Variants in ARHGAP35 observed in about 807,000 individuals in gnomAD.
ARHGAP35 encodes the protein rho GTPase-activating protein 35.
A neutral mutation model predicts 111.1 loss-of-function variants in ARHGAP35; 15 were observed. That is an observed-to-expected ratio of 0.13 (90% CI 0.09 to 0.21). ARHGAP35 has a LOEUF of 0.21. Among genes scored for constraint, ARHGAP35 ranks in the 10% least tolerant of loss-of-function variants. The probability of loss-of-function intolerance (pLI) is 1.00; values close to 1 mark genes in which losing one functional copy is unlikely to be tolerated. For missense variants in ARHGAP35, 1,262 were observed against 1,873.0 expected, an observed-to-expected ratio of 0.67 and a Z score of 6.02; for synonymous variants, 643 against 710.3, an observed-to-expected ratio of 0.91 and a Z score of 1.51.
chr19:46,867,365 C>T (rs1486893402), intron 1 of ARHGAP35, among the ~76,000 whole-genome samples: 1 of 152,116 alleles, frequency 6.6e-6, no homozygotes, highest in Non-Finnish European at 1.5e-5. Flanking sequence ...TGGATGATGC[C>T]CTCGTCCTGG....
intron 3 of ARHGAP35, among the ~76,000 whole-genome samples, chr19:46,972,646 C>A (rs1203547836): frequency 2.0e-5 from 3 of 152,172 alleles, no homozygotes; most frequent in Non-Finnish European, 2.9e-5. Context: ...AGCTTCCTTG[C>A]AAAGTACTTG....
chr19:46,938,988 A>G (rs2056328339), intron 3 of ARHGAP35, among the ~76,000 whole-genome samples: 1 of 152,044 alleles, frequency 6.6e-6, no homozygotes, highest in South Asian at 2.1e-4. Context: ...CCCACCAAAG[A>G]CTTTGTATTT....
intron 1 of ARHGAP35, among the ~76,000 whole-genome samples, chr19:46,899,290 A>G (rs1187540631): frequency 6.6e-6 from 1 of 152,204 alleles, no homozygotes; most frequent in Non-Finnish European, 1.5e-5. Flanking sequence ...GCATGTTCAG[A>G]GAATAGCTTA....
Position 47,001,395 on chromosome 19 carries a change from C to T in ARHGAP35, c.*707C>T, listed in dbSNP as rs1568492888. The T allele has an allele frequency of 7.0e-6, 9 of 1,287,758 alleles. No homozygotes were observed. Among genetic ancestry groups the T allele is most frequent in the Non-Finnish European group, 9.1e-6 (9 of 987,272 alleles). The allele number at this position is 1,287,758 out of a possible 1,614,324, so 79.8% of individuals were successfully genotyped here. A position where few individuals can be genotyped will look rare whatever the true frequency, so the allele number is the denominator to read the frequency against. ...CACTAGGAGAAAAAATGGAAAAACC[C>T]TTCCAGTAATTAAAAAGGAAGAAAC... On this transcript the variant is annotated 3_prime_UTR_variant, in exon 7 of 7. Transcript: ENST00000672722. This position sits in a 1 kb window ranked among gnomAD's most constrained non-coding sequence, Gnocchi z 5.4.
intron 2 of ARHGAP35, among the ~76,000 whole-genome samples, chr19:46,930,420 A>T (rs1446213272): frequency 2.7e-5 from 4 of 149,444 alleles, no homozygotes; most frequent in Non-Finnish European, 5.9e-5. Context: ...ACCTGCTTCC[A>T]GTCCAGTTAA....
In ARHGAP35 at chr19:46,988,049, A is replaced by G; in HGVS notation, c.3887A>G (p.Gln1296Arg). 1 of 1,613,894 alleles carries G rather than the reference A, an allele frequency of 6.2e-7. No homozygotes were observed. The highest frequency in any genetic ancestry group is 8.5e-7 in the Non-Finnish European group (1 of 1,179,862). Reference sequence around the variant, plus strand: ...AACAAGTCTGAGATGGAGAGTCTGCAGAGACAGTTTGATCAAGGTAAAGTG... The same window carrying G: ...AACAAGTCTGAGATGGAGAGTCTGCGGAGACAGTTTGATCAAGGTAAAGTG... ...SGNKSEMESL[Q>R]RQFDQDHNLD... is the part of the protein sequence containing the mutation. The change falls in exon 4 of 7, where the codon CAG becomes CGG. Residue 1296 changes from glutamine (Q) to arginine (R), a missense_variant. Transcript: ENST00000672722. This position sits in a 1 kb window ranked among gnomAD's most constrained non-coding sequence, Gnocchi z 5.4.
intron 2 of ARHGAP35, among the ~76,000 whole-genome samples, chr19:46,924,753 C>T (rs77890102): frequency 6.6e-6 from 1 of 152,356 alleles, no homozygotes; most frequent in Non-Finnish European, 1.5e-5. Flanking sequence ...GCCAGAACAG[C>T]TTAAAAATGC....
At chr19:46,874,506 T>TC in intron 1 of ARHGAP35, among the ~76,000 whole-genome samples, 1 of 146,712 alleles carries the variant, frequency 6.8e-6, no homozygotes, top group South Asian at 2.2e-4. Context: ...TTTGTCTTTT[T>TC]TTTTTTTTTT....
intron 2 of ARHGAP35, among the ~76,000 whole-genome samples, chr19:46,929,465 C>T (rs1292958366): frequency 6.6e-6 from 1 of 152,058 alleles, no homozygotes; most frequent in Admixed American, 6.6e-5. Context: ...AGTATGCTAC[C>T]ACACAACTTG....
At chr19:46,982,729 T>G (rs1249515158) in intron 3 of ARHGAP35, among the ~76,000 whole-genome samples, 5 of 151,874 alleles carry the variant, frequency 3.3e-5, no homozygotes, top group Non-Finnish European at 5.9e-5. Context: ...AGCAGCAGCA[T>G]CATCTGGGAA....
Position 46,901,844 on chromosome 19 carries a change from A to G in ARHGAP35, c.-188-16644A>G, listed in dbSNP as rs138850855. 1.2e-3 allele frequency among the ~76,000 whole-genome samples: 182 copies of G among 152,342 alleles called. No homozygotes were observed. The highest frequency in any genetic ancestry group is 4.2e-3 in the African/African-American group (173 of 41,574). On this transcript the variant is annotated intron_variant, in intron 1 of 6. Coordinates refer to ENST00000672722, the MANE Select transcript of ARHGAP35 (RefSeq NM_004491.5). This position sits in a 1 kb window ranked among gnomAD's most constrained non-coding sequence, Gnocchi z 4.5. ...ATCATTGTCCAGTGATCCTGCTGAC[A>G]GATGAGAGCTGTCAAGATAGCTTGG... is the stretch of plus-strand genomic sequence containing the variant.
intron 3 of ARHGAP35, among the ~76,000 whole-genome samples, chr19:46,978,599 GGGTGT>G (rs376555843): frequency 1.6e-5 from 2 of 128,648 alleles, no homozygotes; most frequent in African/African-American, 2.6e-5. Context: ...CGTGTGGGGG[GGGTGT>G]GGTGTGGTGT....
intron 3 of ARHGAP35, among the ~76,000 whole-genome samples, chr19:46,979,796 TG>T (rs1166586674): frequency 1.3e-5 from 2 of 152,006 alleles, no homozygotes; most frequent in Non-Finnish European, 2.9e-5. Context: ...CCTTCTATCA[TG>T]GGGGGAAAGT....
rs748496375 is a variant in ARHGAP35 at position 46,921,178 on chromosome 19, C to T, written c.2503C>T (p.Leu835=). The T allele has an allele frequency of 6.2e-7, 1 of 1,614,040 alleles. No homozygotes were observed. The highest frequency in any genetic ancestry group is 8.5e-7 in the Non-Finnish European group (1 of 1,179,900). ...CGGACTGCACAAGAAGCGGATTGAA[C>T]TGTCTGTTCTTTCATACCATTCCTC... ...PIGLHKKRIE[L]SVLSYHSSFS... The change falls in exon 2 of 7, where the codon CTG becomes TTG. Residue 835 remains leucine (L), a synonymous_variant. Coordinates refer to ENST00000672722, the MANE Select transcript of ARHGAP35 (RefSeq NM_004491.5). The surrounding 1 kb of genome is among the most constrained non-coding windows in gnomAD (Gnocchi z 4.3).
intron 1 of ARHGAP35, among the ~76,000 whole-genome samples, chr19:46,904,471 T>C (rs2056095877): frequency 6.6e-6 from 1 of 152,188 alleles, no homozygotes; most frequent in Non-Finnish European, 1.5e-5. Flanking sequence ...AGTTTAAGTA[T>C]GGGAAGGAAA....
chr19:46,930,027 T>G (rs556666041), intron 2 of ARHGAP35, among the ~76,000 whole-genome samples: 1 of 152,102 alleles, frequency 6.6e-6, no homozygotes, highest in East Asian at 1.9e-4. Context: ...CTTCCCAAAG[T>G]GTTGGGATTA....
At chr19:46,909,765 A>G (rs1389123572) in intron 1 of ARHGAP35, among the ~76,000 whole-genome samples, 2 of 151,988 alleles carry the variant, frequency 1.3e-5, no homozygotes, top group South Asian at 2.1e-4. Flanking sequence ...CCACAATGTT[A>G]TTATTTTATT....
chr19:46,869,617 T>A (rs1331856545), intron 1 of ARHGAP35, among the ~76,000 whole-genome samples: 4 of 152,068 alleles, frequency 2.6e-5, no homozygotes, highest in Non-Finnish European at 5.9e-5. Flanking sequence ...CTGCACTACT[T>A]AGGAATGAGA....
At position 46,999,747 on chromosome 19, in the gene ARHGAP35, C is replaced by T; in HGVS notation, c.4142+338C>T. On this transcript the variant is annotated intron_variant, in intron 6 of 6. Transcript: ENST00000672722. This position sits in a 1 kb window ranked among gnomAD's most constrained non-coding sequence, Gnocchi z 5.4. ...GAGAGAGAAGATCTTCTGGTTGGTA[C>T]TGATGCTCCAGAAATCTTCTCCTGA... 1 of 298,898 alleles carries T rather than the reference C, an allele frequency of 3.3e-6. No individual in the cohort carries two copies. The highest frequency in any genetic ancestry group is 6.2e-6 in the Non-Finnish European group (1 of 160,850). 18.5% of individuals were successfully genotyped at this position (298,898 alleles called of 1,614,324 possible). A position where few individuals can be genotyped will look rare whatever the true frequency, so the allele number is the denominator to read the frequency against.
Sources: allele counts gnomAD v4.1 joint callset (sites outside exome capture counted in the v4.1 genomes callset), GRCh38; gene constraint gnomAD v4.1.1; non-coding constraint Gnocchi (gnomAD v3.1); transcripts MANE v1.5; gene names NCBI Gene and HGNC (gene_info 2026-07-23, HGNC 2026-07-21).